IL1RAPL1: variants seen among roughly 807,000 people sequenced by gnomAD.
IL1RAPL1 encodes the protein interleukin-1 receptor accessory protein-like 1.
In IL1RAPL1, 3 loss-of-function variants were observed where a neutral mutation model predicts 48.4. The ratio of observed to expected loss-of-function variants is 0.06; its 90% CI spans 0.03 to 0.16. The LOEUF is 0.16. IL1RAPL1 is among the 10% of genes least tolerant of loss of function. The pLI, the probability that IL1RAPL1 is intolerant of heterozygous loss-of-function variation, is 1.00. For synonymous variants in IL1RAPL1, 185 were observed against 187.7 expected (o/e 0.99, Z 0.12); for missense variants, 349 against 530.6 (o/e 0.66, Z 3.36).
intron 2 of IL1RAPL1, among the ~76,000 whole-genome samples, chrX:28,870,560 A>G (rs1280179428): frequency 8.9e-6 from 1 of 111,961 alleles, no homozygotes; most frequent in Non-Finnish European, 1.9e-5. Context: ...AATTAAAGAT[A>G]TTCTTACCCC....
At chrX:28,876,900 G>A (rs779350646) in intron 2 of IL1RAPL1, among the ~76,000 whole-genome samples, 2 of 111,876 alleles carry the variant, frequency 1.8e-5, no homozygotes, top group Non-Finnish European at 3.8e-5. Context: ...GATACTTGAA[G>A]GAATGAGGAG....
chrX:29,629,269 G>T (rs1365084218), intron 5 of IL1RAPL1, among the ~76,000 whole-genome samples: 1 of 110,679 alleles, frequency 9.0e-6, no homozygotes, highest in African/African-American at 3.3e-5. Flanking sequence ...CAAAGGCAGA[G>T]AAAAAAATCT....
chrX:29,002,291 C>G (rs1481395599), intron 2 of IL1RAPL1, among the ~76,000 whole-genome samples: 34 of 110,545 alleles, frequency 3.1e-4, no homozygotes, highest in Middle Eastern at 4.7e-3. Flanking sequence ...AAGTTAGACC[C>G]AAAGGAATAC....
chrX:29,915,714 CTTTTTT>C (rs201364121), intron 6 of IL1RAPL1, among the ~76,000 whole-genome samples: 2 of 54,303 alleles, frequency 3.7e-5, no homozygotes, highest in African/African-American at 1.5e-4. Context: ...TGGTAATATT[CTTTTTT>C]TTTTTTTTTT....
chrX:28,871,491 ACAGTGT>A (rs1175310977), intron 2 of IL1RAPL1, among the ~76,000 whole-genome samples: 1 of 112,041 alleles, frequency 8.9e-6, no homozygotes, highest in Non-Finnish European at 1.9e-5. Context: ...TTCAGATAAA[ACAGTGT>A]GCTTCCAAAT....
intron 6 of IL1RAPL1, among the ~76,000 whole-genome samples, chrX:29,783,199 C>T (rs1293198349): frequency 1.8e-5 from 2 of 110,507 alleles, no homozygotes; most frequent in African/African-American, 6.6e-5. Context: ...CCACCGCGCC[C>T]GGCCGATCGT....
chrX:29,693,886 C>A (rs1555913008), intron 6 of IL1RAPL1, among the ~76,000 whole-genome samples: 1 of 109,323 alleles, frequency 9.1e-6, no homozygotes, highest in African/African-American at 3.3e-5. Flanking sequence ...TGATAGGATA[C>A]TTCTAGTTGG....
At chrX:29,391,742 A>G (rs1032367596) in intron 3 of IL1RAPL1, among the ~76,000 whole-genome samples, 57 of 111,971 alleles carry the variant, frequency 5.1e-4, no homozygotes, top group Admixed American at 2.4e-3. Context: ...GTCTATATCT[A>G]TATCTATTAT....
intron 8 of IL1RAPL1, 147 bp from the exon 9 acceptor site, chrX:29,941,504 A>C (rs942728696): frequency 1.2e-5 from 7 of 588,113 alleles, no homozygotes; most frequent in Non-Finnish European, 1.7e-5. Flanking sequence ...CAAAAGGTCA[A>C]ATTCTCATGC....
intron 5 of IL1RAPL1, among the ~76,000 whole-genome samples, chrX:29,529,082 G>C (rs1029585960): frequency 6.3e-5 from 7 of 110,288 alleles, no homozygotes; most frequent in African/African-American, 2.3e-4. Context: ...ACAAATCGAG[G>C]TACATTTTAT....
At chrX:29,630,378 T>G (rs1466076155) in intron 5 of IL1RAPL1, among the ~76,000 whole-genome samples, 1 of 111,312 alleles carries the variant, frequency 9.0e-6, no homozygotes, top group African/African-American at 3.3e-5. Context: ...TTAATTCAGG[T>G]TTATTGGGAG....
chrX:29,149,016 C>T (rs1033484905), intron 2 of IL1RAPL1, among the ~76,000 whole-genome samples: 2 of 110,756 alleles, frequency 1.8e-5, no homozygotes, highest in African/African-American at 6.6e-5. Context: ...TTTATCATTG[C>T]TTTACTTAGG....
intron 3 of IL1RAPL1, among the ~76,000 whole-genome samples, chrX:29,379,159 A>G (rs765730627): frequency 8.9e-6 from 1 of 112,546 alleles, no homozygotes; most frequent in African/African-American, 3.2e-5. Flanking sequence ...GTGCACTGGG[A>G]AATCCAAAGT....
At chrX:29,234,527 G>A (rs1341578505) in intron 2 of IL1RAPL1, among the ~76,000 whole-genome samples, 2 of 111,817 alleles carry the variant, frequency 1.8e-5, no homozygotes, top group Non-Finnish European at 3.8e-5. Flanking sequence ...CTAGAAGAAC[G>A]CTAACATTTA....
intron 5 of IL1RAPL1, among the ~76,000 whole-genome samples, chrX:29,630,924 C>G (rs1013848959): frequency 4.4e-5 from 5 of 112,406 alleles, no homozygotes; most frequent in African/African-American, 1.6e-4. Flanking sequence ...ATTTTGACTT[C>G]TAAAAATGTA....
At chrX:28,946,899 G>C (rs1601971298) in intron 2 of IL1RAPL1, among the ~76,000 whole-genome samples, 1 of 111,685 alleles carries the variant, frequency 9.0e-6, no homozygotes, top group Non-Finnish European at 1.9e-5. Context: ...AGTTCAATGA[G>C]TATTTTATCA....
At chrX:28,609,582 T>G (rs2146882527) in intron 1 of IL1RAPL1, among the ~76,000 whole-genome samples, 1 of 107,088 alleles carries the variant, frequency 9.3e-6, no homozygotes, top group Non-Finnish European at 1.9e-5. Context: ...CTTTTTTGGC[T>G]TCATTTCTCA....
chrX:29,050,363 T>C lies in IL1RAPL1; in HGVS notation c.83-232575T>C, dbSNP rs982294081. On this transcript the variant is annotated intron_variant, in intron 2 of 10. Coordinates refer to ENST00000378993, the MANE Select transcript of IL1RAPL1 (RefSeq NM_014271.4). ...ATAAGACGGTACTATTATGATTCTC[T>C]TTTATAGATGAGGCACTGAGGGAGA... is the stretch of plus-strand genomic sequence containing the variant. Among the ~76,000 whole-genome samples, 5 of 112,111 alleles carry C rather than the reference T, an allele frequency of 4.5e-5. No homozygotes were observed. In the Admixed American group the frequency reaches 4.7e-4, roughly 11 times the overall value.
chrX:28,600,507 T>TG (rs1934011262), intron 1 of IL1RAPL1, among the ~76,000 whole-genome samples: 1 of 44,351 alleles, frequency 2.3e-5, no homozygotes, highest in Non-Finnish European at 4.4e-5. Flanking sequence ...GATTTGGGGG[T>TG]GGGGGTCAAG....
Sources: gnomAD v4.1 joint callset for allele counts (sites outside exome capture counted in the v4.1 genomes callset) on GRCh38, gnomAD v4.1.1 for gene constraint, MANE v1.5 for transcripts, NCBI Gene and HGNC (gene_info 2026-07-23, HGNC 2026-07-21) for gene names.